The following LPA variants were observed in gnomAD, a reference collection of about 807,000 sequenced individuals.
LPA encodes the protein lipoprotein(a).
Under a neutral mutation model 197.9 loss-of-function variants are expected in LPA, and 199 were observed. The observed-to-expected ratio is 1.01, with a 90% CI of 0.90 to 1.13. The LOEUF (loss-of-function observed/expected upper bound fraction) is 1.13, where lower values mean the gene tolerates loss of function less well. Ranked by LOEUF, LPA falls within the 50% of genes most tolerant of loss-of-function variation. LPA has a pLI of 0.00. For missense variants in LPA, 1,853 were observed against 1,785.8 expected (o/e 1.04, Z -0.68); for synonymous variants, 715 against 639.5 (o/e 1.12, Z -1.78).
intron 1 of LPA, among the ~76,000 whole-genome samples, chr6:160,655,368 A>C (rs888997494): frequency 5.3e-5 from 8 of 152,182 alleles, no homozygotes; most frequent in Non-Finnish European, 1.2e-4. Context: ...CTGACACCTC[A>C]AGCACCATTG....
intron 31 of LPA, 75 bp downstream of exon 31, chr6:160,548,403 T>C (rs935700178): frequency 4.6e-5 from 69 of 1,498,202 alleles, no homozygotes; most frequent in Non-Finnish European, 5.9e-5. Flanking sequence ...AGTGTGGTTT[T>C]TCATGTCTTT....
Position 160,612,954 on chromosome 6 carries a change from GC to G in LPA, c.2420del (p.Ser807ThrfsTer2). 1 of 295,730 alleles carries G rather than the reference GC, an allele frequency of 3.4e-6. No homozygotes were observed. Among genetic ancestry groups the G allele is most frequent in the Non-Finnish European group, 6.3e-6 (1 of 157,914 alleles). The allele number at this position is 295,730 out of a possible 1,614,324, so 18.3% of individuals were successfully genotyped here. On this transcript the variant is annotated frameshift_variant, in exon 15 of 39. Coordinates refer to ENST00000316300, the MANE Select transcript of LPA (RefSeq NM_005577.4). LOFTEE classifies it high-confidence loss of function. Reference sequence around the variant, plus strand: ...TACCTTGTTCGGAAGGAGCCTCTAGGCTTGGAACCGGGGTAACAGTCGGAGG... The same window carrying G: ...TACCTTGTTCGGAAGGAGCCTCTAGGTTGGAACCGGGGTAACAGTCGGAGG... ...VAPPTVTPVP[S>X]LEAPSEQAPT...
intron 30 of LPA, among the ~76,000 whole-genome samples, chr6:160,553,112 A>G (rs538564430): frequency 6.6e-6 from 1 of 152,312 alleles, no homozygotes; most frequent in African/African-American, 2.4e-5. Flanking sequence ...TATCATCTGC[A>G]TTATTTGTGC....
In LPA at chr6:160,578,594, A is replaced by T; in HGVS notation, c.4400T>A (p.Val1467Glu). The stretch of plus-strand genomic sequence containing the variant: ...AGTTGTGAGGACACTCGATTCTGTC[A>T]CTGGACATCGTGTCAGGTTGCAGTA... ...WEYCNLTRCP[V>E]TESSVLTTPT... Residue 1467 changes from valine to glutamate, a missense_variant, in exon 27 of 39, where the codon GTG (valine) becomes GAG (glutamate). Coordinates refer to ENST00000316300, the MANE Select transcript of LPA (RefSeq NM_005577.4). The T allele has an allele frequency of 6.2e-7, 1 of 1,614,080 alleles. No individual in the cohort carries two copies. Among genetic ancestry groups the T allele is most frequent in the Non-Finnish European group, 8.5e-7 (1 of 1,179,934 alleles).
intron 32 of LPA, 71 bp downstream of exon 32, chr6:160,547,718 T>C: frequency 6.2e-7 from 1 of 1,605,640 alleles, no homozygotes; most frequent in Non-Finnish European, 8.5e-7. Flanking sequence ...TCCAGTATTT[T>C]CCTCTGCCCC....
chr6:160,657,740 C>T (rs1780156070), intron 1 of LPA, among the ~76,000 whole-genome samples: 1 of 152,126 alleles, frequency 6.6e-6, no homozygotes, highest in African/African-American at 2.4e-5. Flanking sequence ...ACATTAAATG[C>T]AGAATCCCTA....
intron 38 of LPA, 47 bp from the exon 39 acceptor site, chr6:160,531,937 C>A (rs377006051): frequency 8.8e-6 from 14 of 1,599,100 alleles, no homozygotes; most frequent in Non-Finnish European, 1.2e-5. Flanking sequence ...AGCTGCCAAC[C>A]TTTTAATATG....
chr6:160,591,522 G>A (rs1012412352), intron 22 of LPA, among the ~76,000 whole-genome samples: 2 of 152,198 alleles, frequency 1.3e-5, no homozygotes, highest in Non-Finnish European at 1.5e-5. Flanking sequence ...AATCTATTCA[G>A]TATCTGGTTT....
chr6:160,647,359 C>A (rs1300527917), intron 2 of LPA, among the ~76,000 whole-genome samples: 1 of 152,172 alleles, frequency 6.6e-6, no homozygotes, highest in Non-Finnish European at 1.5e-5. Context: ...GTTGCTCCAA[C>A]CTCTCAGTAT....
In LPA at chr6:160,534,910, A is replaced by T. The variant is rs74511593; in HGVS notation, c.5843-2261T>A. Reference sequence around the variant, plus strand: ...TTATGATGATGGTGGTGATGATTAAACCAATGGTGATAGTGATGGTGTTAA... The same window carrying T: ...TTATGATGATGGTGGTGATGATTAATCCAATGGTGATAGTGATGGTGTTAA... On this transcript the variant is annotated intron_variant, in intron 37 of 38. Coordinates refer to ENST00000316300, the MANE Select transcript of LPA (RefSeq NM_005577.4). Among the ~76,000 whole-genome samples, 1,453 of 151,234 alleles carry T rather than the reference A, an allele frequency of 9.6e-3. 25 individuals are homozygous for T. Among genetic ancestry groups the T allele is most frequent in the African/African-American group, 0.033 (1,363 of 41,154 alleles).
chr6:160,551,942 C>G (rs1177177431), intron 30 of LPA, among the ~76,000 whole-genome samples: 1 of 136,888 alleles, frequency 7.3e-6, no homozygotes, highest in African/African-American at 2.7e-5. Context: ...GAGACAGTGT[C>G]TCATTCCATC....
chr6:160,610,721 T>G (rs918877968), intron 16 of LPA, among the ~76,000 whole-genome samples: 1 of 152,094 alleles, frequency 6.6e-6, no homozygotes, highest in Non-Finnish European at 1.5e-5. Context: ...ATCCCTCTCC[T>G]CTGCTCAGCT....
At chr6:160,540,753 C>T (rs1200500364) in intron 35 of LPA, among the ~76,000 whole-genome samples, 1 of 152,214 alleles carries the variant, frequency 6.6e-6, no homozygotes, top group Non-Finnish European at 1.5e-5. Context: ...AAACTCTTTT[C>T]TTTATAAATT....
chr6:160,584,814 T>A (rs1778876295), intron 26 of LPA, among the ~76,000 whole-genome samples: 1 of 152,176 alleles, frequency 6.6e-6, no homozygotes, highest in Non-Finnish European at 1.5e-5. Flanking sequence ...TTAATGAGAC[T>A]TCACCACCTC....
intron 1 of LPA, among the ~76,000 whole-genome samples, chr6:160,661,136 C>T (rs1042057794): frequency 6.6e-5 from 10 of 150,802 alleles, no homozygotes; most frequent in African/African-American, 2.2e-4. Flanking sequence ...CTGGAGATGC[C>T]AGCTCCATCT....
Position 160,578,522 on chromosome 6 carries a change from C to A in LPA, c.4471+1G>T, listed in dbSNP as rs751547669. 1.2e-6 allele frequency: 2 copies of A among 1,613,810 alleles called. No homozygotes were observed. The highest frequency in any genetic ancestry group is 1.7e-5 in the Admixed American group (1 of 60,016). On this transcript the variant is annotated splice_donor_variant, in intron 27 of 38. Coordinates refer to ENST00000316300, the MANE Select transcript of LPA (RefSeq NM_005577.4). LOFTEE classifies it high-confidence loss of function. ...TAGATGTCTAACCACAAATTTCTTACCTTGTTCAGAAGGAGCCTCTGTGCT... is the reference window on the plus strand; with the variant it reads ...TAGATGTCTAACCACAAATTTCTTAACTTGTTCAGAAGGAGCCTCTGTGCT...
Position 160,634,993 on chromosome 6 carries a change from C to A in LPA, c.1075+130G>T, listed in dbSNP as rs1306907372. On this transcript the variant is annotated intron_variant, in intron 7 of 38. Coordinates refer to ENST00000316300, the MANE Select transcript of LPA (RefSeq NM_005577.4). ...CCCCAGAGAGTACACGGAGGCTTCC[C>A]CCAACATGGCAGAACTCCGGCAACA... is the stretch of plus-strand genomic sequence containing the variant. 25 of 1,505,626 alleles carry A rather than the reference C, an allele frequency of 1.7e-5. 1 individual carries two copies. The highest frequency in any genetic ancestry group is 1.6e-5 in the Non-Finnish European group (17 of 1,094,204). 93.3% of individuals were successfully genotyped at this position (1,505,626 alleles called of 1,614,324 possible).
chr6:160,575,581 T>C (rs966398170), intron 28 of LPA, among the ~76,000 whole-genome samples: 2 of 152,232 alleles, frequency 1.3e-5, no homozygotes, highest in Non-Finnish European at 1.5e-5. Context: ...GCTAGGATTT[T>C]TGTGGAGTAG....
At chr6:160,590,760 G>A (rs571264313) in intron 23 of LPA, among the ~76,000 whole-genome samples, 184 bp downstream of exon 23, 1 of 152,196 alleles carries the variant, frequency 6.6e-6, no homozygotes, top group African/African-American at 2.4e-5. Flanking sequence ...ACCCTGTCAC[G>A]GGGTGCCAAA....
Sources: allele counts gnomAD v4.1 joint callset (sites outside exome capture counted in the v4.1 genomes callset), GRCh38; gene constraint gnomAD v4.1.1; transcripts MANE v1.5; gene names NCBI Gene and HGNC (gene_info 2026-07-23, HGNC 2026-07-21).